The following ARHGAP26 variants were observed in gnomAD, a reference collection of about 807,000 sequenced individuals.
ARHGAP26 encodes the protein Rho GTPase activating protein 26, also known as rho GTPase-activating protein 26.
Under a neutral mutation model 104.8 loss-of-function variants are expected in ARHGAP26, and 38 were observed. The ratio of observed to expected loss-of-function variants is 0.36; its 90% CI spans 0.28 to 0.48. The LOEUF (loss-of-function observed/expected upper bound fraction) is 0.48. Ranked by LOEUF, ARHGAP26 falls within the 20% of genes least tolerant of loss-of-function variation. The pLI is 0.99. For synonymous variants in ARHGAP26, 341 were observed against 340.0 expected, an observed-to-expected ratio of 1.00 and a Z score of -0.03; for missense variants, 704 against 947.9, an observed-to-expected ratio of 0.74 and a Z score of 3.38.
intron 21 of ARHGAP26, among the ~76,000 whole-genome samples, chr5:143,207,972 A>G (rs139699743): frequency 6.6e-6 from 1 of 152,188 alleles, no homozygotes. Flanking sequence ...CTCACGGCTT[A>G]TGCCTCGTTG....
intron 6 of ARHGAP26, among the ~76,000 whole-genome samples, chr5:142,898,244 A>G (rs1042299226): frequency 6.6e-6 from 1 of 152,120 alleles, no homozygotes; most frequent in African/African-American, 2.4e-5. Context: ...ATATATATGT[A>G]TATGTATGTA....
chr5:143,084,994 G>A (rs1009908435), intron 17 of ARHGAP26, among the ~76,000 whole-genome samples: 6 of 144,108 alleles, frequency 4.2e-5, no homozygotes, highest in Non-Finnish European at 8.9e-5. Context: ...ACAGTGAGCC[G>A]AGATCGCGCC....
At chr5:143,141,558 T>C (rs1798542584) in intron 19 of ARHGAP26, among the ~76,000 whole-genome samples, 1 of 152,200 alleles carries the variant, frequency 6.6e-6, no homozygotes, top group South Asian at 2.1e-4. Context: ...AAAACAAAAC[T>C]CCCTAATTGC....
At chr5:142,883,896 C>T (rs1416504920) in intron 4 of ARHGAP26, among the ~76,000 whole-genome samples, 1 of 152,180 alleles carries the variant, frequency 6.6e-6, no homozygotes, top group Non-Finnish European at 1.5e-5. Flanking sequence ...AGGGTTGGGA[C>T]CATTTTTGTC....
chr5:142,847,690 A>G (rs1402682708), intron 1 of ARHGAP26, among the ~76,000 whole-genome samples: 1 of 152,230 alleles, frequency 6.6e-6, no homozygotes, highest in Non-Finnish European at 1.5e-5. Flanking sequence ...ATTAGGTGGC[A>G]CAAATAGAGT....
chr5:143,008,173 T>C (rs1391972365), intron 11 of ARHGAP26, among the ~76,000 whole-genome samples: 1 of 152,240 alleles, frequency 6.6e-6, no homozygotes, highest in Admixed American at 6.5e-5. Context: ...ATATCTATGA[T>C]TCCATTTAAT....
intron 21 of ARHGAP26, among the ~76,000 whole-genome samples, chr5:143,208,011 G>A (rs1449198112): frequency 6.6e-6 from 1 of 152,130 alleles, no homozygotes; most frequent in East Asian, 1.9e-4. Context: ...AACCATCCAT[G>A]CTCCCAGCCT....
chr5:143,126,255 A>C (rs954542434), intron 18 of ARHGAP26, among the ~76,000 whole-genome samples: 3 of 152,236 alleles, frequency 2.0e-5, no homozygotes, highest in African/African-American at 7.2e-5. Flanking sequence ...GAGCAGCATT[A>C]ATCAAGTTGT....
In ARHGAP26 at chr5:143,067,933, G is replaced by A. The variant is rs536642833; in HGVS notation, c.1538+10186G>A. On this transcript the variant is annotated intron_variant, in intron 17 of 22. Coordinates refer to ENST00000645722, the MANE Select transcript of ARHGAP26 (RefSeq NM_001135608.3). The stretch of plus-strand genomic sequence containing the variant: ...AATTCCAGCACTTGGGGAGGCCAAA[G>A]CAGGCAGATCACTTGAGGCCGGGAG... 3.3e-5 allele frequency among the ~76,000 whole-genome samples: 5 copies of A among 152,344 alleles called. No homozygotes were observed. In the South Asian group the frequency reaches 1.0e-3, roughly 32 times the overall value.
chr5:143,143,072 A>G (rs1018670068), intron 19 of ARHGAP26, among the ~76,000 whole-genome samples: 1 of 152,152 alleles, frequency 6.6e-6, no homozygotes, highest in African/African-American at 2.4e-5. Flanking sequence ...GTTAAAGAAC[A>G]GTCCTCTTGC....
chr5:142,811,969 G>A (rs1043663810), intron 1 of ARHGAP26, among the ~76,000 whole-genome samples: 7 of 152,052 alleles, frequency 4.6e-5, no homozygotes, highest in African/African-American at 1.2e-4. Context: ...CATAGCACTC[G>A]AAGAACTCCT....
At chr5:142,860,006 C>G (rs1753040131) in intron 1 of ARHGAP26, 1 of 152,212 alleles carries the variant, frequency 6.6e-6, no homozygotes, top group Non-Finnish European at 1.5e-5. Context: ...ACTTACCTTG[C>G]ACTTACTTTG....
intron 11 of ARHGAP26, among the ~76,000 whole-genome samples, chr5:142,940,760 A>G (rs1320394253): frequency 6.6e-6 from 1 of 152,158 alleles, no homozygotes; most frequent in African/African-American, 2.4e-5. Context: ...TGCAGTGAAC[A>G]TATGCATGTA....
chr5:142,859,568 CTT>C (rs761617458), intron 1 of ARHGAP26: 5 of 152,172 alleles, frequency 3.3e-5, no homozygotes, highest in Non-Finnish European at 5.9e-5. Flanking sequence ...GATCATCTGA[CTT>C]ATATGCAGAA....
In ARHGAP26 at chr5:143,133,967, A is replaced by T; in HGVS notation, c.1699A>T (p.Ile567Leu). The change falls in exon 19 of 23, where the codon ATA (isoleucine) becomes TTA (leucine). Residue 567 changes from isoleucine (I) to leucine (L), a missense_variant and splice_region_variant. Physicochemically the swap from Ile to Leu is conservative, Grantham distance 5. Around this residue, in one of 6 missense-constraint regions of ARHGAP26, gnomAD observed 287 missense variants for 438.8 expected, o/e 0.65. Transcript: ENST00000645722. The stretch of plus-strand genomic sequence containing the variant: ...CCTTGTTGTGAAACTTCGTTTGCAG[A>T]TATTTAACACCGTGCCCGATATGCC... Reference protein sequence around the residue: ...IEILIENHEKIFNTVPDMPLT... With the variant: ...IEILIENHEKLFNTVPDMPLT... 6.2e-7 allele frequency: 1 copy of T among 1,605,624 alleles called. No homozygotes were observed. The highest frequency in any genetic ancestry group is 8.5e-7 in the Non-Finnish European group (1 of 1,175,408).
At chr5:143,097,945 G>T (rs369262311) in intron 17 of ARHGAP26, among the ~76,000 whole-genome samples, 1 of 151,862 alleles carries the variant, frequency 6.6e-6, no homozygotes, top group Non-Finnish European at 1.5e-5. Flanking sequence ...TGTATTGGTT[G>T]TAAAAGTCTG....
intron 11 of ARHGAP26, among the ~76,000 whole-genome samples, chr5:142,994,241 G>A (rs1164298728): frequency 1.3e-5 from 2 of 152,182 alleles, no homozygotes; most frequent in Non-Finnish European, 2.9e-5. Context: ...GATGTTCACG[G>A]GCAGAGATGC....
intron 20 of ARHGAP26, among the ~76,000 whole-genome samples, chr5:143,177,560 G>A (rs906666192): frequency 1.3e-5 from 2 of 152,142 alleles, no homozygotes; most frequent in East Asian, 1.9e-4. Flanking sequence ...AGGTGCTGTC[G>A]GCAGACCAGA....
chr5:143,130,282 A>G (rs3776296), intron 18 of ARHGAP26, among the ~76,000 whole-genome samples: 16,973 of 152,170 alleles, frequency 0.11, 1,102 homozygotes, highest in East Asian at 0.2. Context: ...CCAGAGTTAT[A>G]TTTTTGTTTT....
Sources: gnomAD v4.1 joint callset for allele counts (sites outside exome capture counted in the v4.1 genomes callset) on GRCh38, gnomAD v4.1.1 for gene constraint, gnomAD v4.1.1 regional missense constraint, MANE v1.5 for transcripts, NCBI Gene and HGNC (gene_info 2026-07-23, HGNC 2026-07-21) for gene names.